The following EML5 variants were observed in gnomAD, a reference collection of about 807,000 sequenced individuals.
The protein encoded by EML5 is echinoderm microtubule-associated protein-like 5.
In EML5, 120 loss-of-function variants were observed where a neutral mutation model predicts 250.0. The ratio of observed to expected loss-of-function variants is 0.48; its 90% CI spans 0.41 to 0.56. The LOEUF is 0.56. EML5 is among the 20% of genes least tolerant of loss of function. EML5 has a pLI of 0.00. For synonymous variants in EML5, 771 were observed against 806.5 expected (o/e 0.96, Z 0.75); for missense variants, 2,006 against 2,437.6 (o/e 0.82, Z 3.73).
At chr14:88,773,465 G>A (rs753925431) in intron 1 of EML5, among the ~76,000 whole-genome samples, 2 of 152,102 alleles carry the variant, frequency 1.3e-5, no homozygotes, top group South Asian at 4.1e-4. Flanking sequence ...GTCATATAAC[G>A]CATAATAGTA....
chr14:88,760,463 T>C (rs2094222985), intron 1 of EML5, among the ~76,000 whole-genome samples: 1 of 147,794 alleles, frequency 6.8e-6, no homozygotes, highest in South Asian at 2.2e-4. Context: ...AAAAATCAAT[T>C]GACCATATCT....
At chr14:88,690,347 G>C (rs950998285) in intron 17 of EML5, among the ~76,000 whole-genome samples, 2 of 152,204 alleles carry the variant, frequency 1.3e-5, no homozygotes, top group East Asian at 3.8e-4. Flanking sequence ...TACAAGGGAG[G>C]TCAAGGATGA....
rs957692079 is a variant in EML5, at chr14:88,613,219, A to G, written c.*2599T>C. 6 of 152,200 alleles carry G rather than the reference A, an allele frequency of 3.9e-5. No homozygotes were observed. Among genetic ancestry groups the G allele is most frequent in the Admixed American group, 2.6e-4 (4 of 15,286 alleles). 9.4% of individuals were successfully genotyped at this position (152,200 alleles called of 1,614,324 possible). On this transcript the variant is annotated 3_prime_UTR_variant, in exon 44 of 44. Coordinates refer to ENST00000554922, the MANE Select transcript of EML5 (RefSeq NM_183387.3). The stretch of plus-strand genomic sequence containing the variant: ...ACGAGAAGCAGCAAAGACAGAGCAC[A>G]CAAGTGCATAAGGCTGTTGTCTTCG...
At chr14:88,626,039 T>C (rs549862772) in intron 35 of EML5, 1 of 152,340 alleles carries the variant, frequency 6.6e-6, no homozygotes, top group South Asian at 2.1e-4. Context: ...AATTGTGCTA[T>C]TTCCTTCTGT....
intron 17 of EML5, among the ~76,000 whole-genome samples, chr14:88,688,953 T>A (rs2092899538): frequency 6.6e-6 from 1 of 152,188 alleles, no homozygotes; most frequent in Admixed American, 6.5e-5. Context: ...TTTTAAGCAA[T>A]CTCATTTTTC....
intron 1 of EML5, among the ~76,000 whole-genome samples, chr14:88,789,937 C>A (rs2094588997): frequency 1.3e-5 from 2 of 152,182 alleles, no homozygotes; most frequent in African/African-American, 4.8e-5. Context: ...ACAGCACTGA[C>A]TTTTTATTAC....
intron 7 of EML5, among the ~76,000 whole-genome samples, chr14:88,731,471 A>T (rs1447473870): frequency 2.0e-5 from 3 of 152,112 alleles, no homozygotes; most frequent in Non-Finnish European, 2.9e-5. Flanking sequence ...TCTATCACTG[A>T]TGGACATTTG....
chr14:88,768,107 A>T (rs1009921473), intron 1 of EML5, among the ~76,000 whole-genome samples: 15 of 152,194 alleles, frequency 9.9e-5, no homozygotes, highest in Admixed American at 6.5e-4. Context: ...CTCATGATTA[A>T]AGTGGGGTTA....
chr14:88,705,008 C>A, intron 12 of EML5, 30 bp from the exon 13 acceptor site: 1 of 1,470,386 alleles, frequency 6.8e-7, no homozygotes, highest in Non-Finnish European at 9.4e-7. Flanking sequence ...TAGAAATATT[C>A]TTAGAATATA....
chr14:88,707,551 C>T (rs2093339324), intron 10 of EML5, among the ~76,000 whole-genome samples: 1 of 151,992 alleles, frequency 6.6e-6, no homozygotes. Flanking sequence ...GTTTTAAACA[C>T]TTTATATTAA....
At position 88,792,925 on chromosome 14, in the gene EML5, C is replaced by G. The variant is rs768430849; in HGVS notation, c.-422G>C. On this transcript the variant is annotated 5_prime_UTR_variant, in exon 1 of 44. Transcript: ENST00000554922. This position sits in a 1 kb window ranked among gnomAD's most constrained non-coding sequence, Gnocchi z 6.9. Reference sequence around the variant, plus strand: ...TTGTAGCCACAGCCTGGCGGACCCGCGCCGCGCACCCCGAAACCGAGCGAG... The same window carrying G: ...TTGTAGCCACAGCCTGGCGGACCCGGGCCGCGCACCCCGAAACCGAGCGAG... 6.6e-6 allele frequency among the ~76,000 whole-genome samples: 1 copy of G among 151,720 alleles called. No homozygotes were observed. The highest frequency in any genetic ancestry group is 1.5e-5 in the Non-Finnish European group (1 of 67,902).
At chr14:88,754,081 A>C (rs2094132163) in intron 2 of EML5, among the ~76,000 whole-genome samples, 1 of 152,084 alleles carries the variant, frequency 6.6e-6, no homozygotes, top group Non-Finnish European at 1.5e-5. Context: ...AGTTATGATC[A>C]TGTCACTGCA....
At chr14:88,711,733 G>A (rs2093411215) in intron 10 of EML5, among the ~76,000 whole-genome samples, 1 of 152,016 alleles carries the variant, frequency 6.6e-6, no homozygotes, top group South Asian at 2.1e-4. Context: ...CACCTGAGGT[G>A]AGGACTTTAA....
At position 88,620,206 on chromosome 14, in the gene EML5, A is replaced by G. The variant is rs1228036167; in HGVS notation, c.5375+548T>C. 4 of 152,244 alleles carry G rather than the reference A, an allele frequency of 2.6e-5. No individual in the cohort carries two copies. The highest frequency in any genetic ancestry group is 5.9e-5 in the Non-Finnish European group (4 of 68,056). 9.4% of individuals were successfully genotyped at this position (152,244 alleles called of 1,614,324 possible). On this transcript the variant is annotated intron_variant, in intron 39 of 43. Coordinates refer to ENST00000554922, the MANE Select transcript of EML5 (RefSeq NM_183387.3). The surrounding 1 kb of genome is among the most constrained non-coding windows in gnomAD (Gnocchi z 4.3). Reference sequence around the variant, plus strand: ...GCTTTTGACAGACCTAGATTCAATAATCTTATCTACTGATCACACGGAAGT... The same window carrying G: ...GCTTTTGACAGACCTAGATTCAATAGTCTTATCTACTGATCACACGGAAGT...
intron 17 of EML5, among the ~76,000 whole-genome samples, chr14:88,691,317 G>A (rs1359783017): frequency 1.3e-5 from 2 of 152,160 alleles, no homozygotes; most frequent in South Asian, 2.1e-4. Context: ...GGGTAAGCAG[G>A]GCAGGACAGT....
At chr14:88,702,684 A>C in intron 13 of EML5, 52 bp from the exon 14 acceptor site, 1 of 1,287,862 alleles carries the variant, frequency 7.8e-7, no homozygotes, top group Non-Finnish European at 1.0e-6. Context: ...TTATCTGATC[A>C]ATACAGAATA....
intron 1 of EML5, among the ~76,000 whole-genome samples, chr14:88,776,556 T>C (rs968784608): frequency 2.6e-5 from 4 of 151,928 alleles, no homozygotes; most frequent in African/African-American, 7.2e-5. Context: ...ACAGGTTATT[T>C]TAATCAGAGA....
chr14:88,724,776 T>G (rs1423262815), intron 8 of EML5, among the ~76,000 whole-genome samples: 2 of 152,200 alleles, frequency 1.3e-5, no homozygotes, highest in Non-Finnish European at 2.9e-5. Context: ...GTGTTTCTAT[T>G]TATTATTTCT....
intron 28 of EML5, among the ~76,000 whole-genome samples, chr14:88,648,287 T>A (rs1452169041): frequency 6.6e-6 from 1 of 152,074 alleles, no homozygotes; most frequent in African/African-American, 2.4e-5. Context: ...AAAAAGCCAT[T>A]CATATCCAAG....
Sources: allele counts gnomAD v4.1 joint callset (sites outside exome capture counted in the v4.1 genomes callset), GRCh38; gene constraint gnomAD v4.1.1; non-coding constraint Gnocchi (gnomAD v3.1); transcripts MANE v1.5; gene names NCBI Gene and HGNC (gene_info 2026-07-23, HGNC 2026-07-21).